ATG4B: variants seen among roughly 807,000 people sequenced by gnomAD.
ATG4B encodes the protein autophagy related 4B cysteine peptidase, also known as cysteine protease ATG4B.
ATG4B carries 29 observed loss-of-function variants against 56.6 expected under a neutral mutation model. That is an observed-to-expected ratio of 0.51 (90% CI 0.38 to 0.70). ATG4B has a LOEUF of 0.70. ATG4B is among the 30% of genes least tolerant of loss of function. ATG4B has a pLI of 0.00. For synonymous variants in ATG4B, 224 were observed against 206.1 expected, an observed-to-expected ratio of 1.09 and a Z score of -0.74; for missense variants, 461 against 515.5, an observed-to-expected ratio of 0.89 and a Z score of 1.02.
At chr2:241,652,355 G>A (rs537060144) in intron 3 of ATG4B, among the ~76,000 whole-genome samples, 13 of 152,310 alleles carry the variant, frequency 8.5e-5, no homozygotes, top group Non-Finnish European at 1.3e-4. Context: ...CTACCCTGCC[G>A]CGTGCTGGGA....
At chr2:241,646,928 A>G (rs537896388) in intron 1 of ATG4B, among the ~76,000 whole-genome samples, 1 of 152,034 alleles carries the variant, frequency 6.6e-6, no homozygotes, top group South Asian at 2.1e-4. Flanking sequence ...GATTACAGGC[A>G]CCTGCCACCA....
intron 1 of ATG4B, among the ~76,000 whole-genome samples, chr2:241,643,553 G>C (rs1308726225): frequency 6.7e-6 from 1 of 149,786 alleles, no homozygotes; most frequent in Non-Finnish European, 1.5e-5. Context: ...TGGAAGTCTA[G>C]AGATGGGTCT....
intron 10 of ATG4B, among the ~76,000 whole-genome samples, chr2:241,669,473 G>A (rs750266704): frequency 1.2e-4 from 18 of 152,122 alleles, no homozygotes; most frequent in Non-Finnish European, 2.2e-4. Context: ...CAGTAGTGGG[G>A]AACATGGGCT....
At position 241,671,981 on chromosome 2, in the gene ATG4B, C is replaced by T. The variant is rs765419079; in HGVS notation, c.1109-210C>T. ...GAGATTGTGCCGGCCGCCCCCTGCC[C>T]TCCTCACCCTGCCCTGCTCCTCTTC... On this transcript the variant is annotated intron_variant, in intron 12 of 12. Coordinates refer to ENST00000404914, the MANE Select transcript of ATG4B (RefSeq NM_013325.5). 9.5e-5 allele frequency: 135 copies of T among 1,415,384 alleles called. 1 individual carries two copies. Among genetic ancestry groups the T allele is most frequent in the Non-Finnish European group, 1.2e-4 (131 of 1,088,790 alleles). 87.7% of individuals were successfully genotyped at this position (1,415,384 alleles called of 1,614,324 possible).
chr2:241,637,869 C>G, intron 1 of ATG4B, 145 bp downstream of exon 1: 1 of 411,390 alleles, frequency 2.4e-6, no homozygotes, highest in Non-Finnish European at 3.5e-6. Flanking sequence ...GCTGCGGGAG[C>G]GCGGGGCGGT....
chr2:241,667,117 G>A (rs1231817707), intron 8 of ATG4B, among the ~76,000 whole-genome samples: 2 of 152,266 alleles, frequency 1.3e-5, no homozygotes, highest in East Asian at 1.9e-4. Context: ...GCCACTCCTC[G>A]GCCTGACGGG....
chr2:241,666,284 C>T (rs907979942), intron 7 of ATG4B, among the ~76,000 whole-genome samples: 1 of 152,220 alleles, frequency 6.6e-6, no homozygotes, highest in African/African-American at 2.4e-5. Context: ...GCTGAGGAGG[C>T]CCGGAGGGAG....
At position 241,654,656 on chromosome 2, in the gene ATG4B, C is replaced by T; in HGVS notation, c.385+9C>T. 2 of 1,585,748 alleles carry T rather than the reference C, an allele frequency of 1.3e-6. No individual in the cohort carries two copies. Among genetic ancestry groups the T allele is most frequent in the Non-Finnish European group, 1.7e-6 (2 of 1,165,584 alleles). On this transcript the variant is annotated intron_variant, in intron 5 of 12. Transcript: ENST00000404914. ...CTCCATTCACCAGATAGGTGGGAGGCTGCAGAATGTGCCAGGCCCCACCCG... is the reference window on the plus strand; with the variant it reads ...CTCCATTCACCAGATAGGTGGGAGGTTGCAGAATGTGCCAGGCCCCACCCG...
Position 241,668,475 on chromosome 2 carries a change from GCCT to G in ATG4B, c.812-60_812-58del, listed in dbSNP as rs2068848938. 8 of 1,562,648 alleles carry G rather than the reference GCCT, an allele frequency of 5.1e-6. No homozygotes were observed. Among genetic ancestry groups the G allele is most frequent in the Admixed American group, 3.7e-5 (2 of 54,352 alleles). On this transcript the variant is annotated intron_variant, in intron 9 of 12. Coordinates refer to ENST00000404914, the MANE Select transcript of ATG4B (RefSeq NM_013325.5). This position sits in a 1 kb window ranked among gnomAD's most constrained non-coding sequence, Gnocchi z 4.2. ...GTGGGTGCAGTGGGTCTGAAATGCG[GCCT>G]CCTCTGTCCCTTTCCTCTGCCGGCT...
chr2:241,661,429 G>A (rs1426747548), intron 7 of ATG4B, among the ~76,000 whole-genome samples: 1 of 152,156 alleles, frequency 6.6e-6, no homozygotes, highest in Non-Finnish European at 1.5e-5. Context: ...GGGAGTAGTG[G>A]GGGGAGGGCA....
intron 4 of ATG4B, among the ~76,000 whole-genome samples, chr2:241,653,964 C>T (rs2068303745): frequency 7.1e-6 from 1 of 140,772 alleles, no homozygotes; most frequent in South Asian, 2.2e-4. Flanking sequence ...GCGCTCCAGC[C>T]TCTGCAACAG....
intron 11 of ATG4B, 37 bp from the exon 12 acceptor site, chr2:241,671,275 G>A (rs2068959715): frequency 1.9e-6 from 3 of 1,572,702 alleles, no homozygotes; most frequent in Non-Finnish European, 2.6e-6. Flanking sequence ...CAAGCACTGG[G>A]GTGAGGCTGC....
At position 241,673,348 on chromosome 2, in the gene ATG4B, G is replaced by C; in HGVS notation, c.*1084G>C. 5.6e-6 allele frequency: 2 copies of C among 358,350 alleles called. No individual in the cohort carries two copies. The allele number at this position is 358,350 out of a possible 1,614,324, so 22.2% of individuals were successfully genotyped here. A position where few individuals can be genotyped will look rare whatever the true frequency, so the allele number is the denominator to read the frequency against. ...AGAGTGCACTCTGCCCCGCTGCTCT[G>C]CTGCCTGTCCTGGGAAAGTATCTTT... On this transcript the variant is annotated 3_prime_UTR_variant, in exon 13 of 13. Transcript: ENST00000404914.
In ATG4B at chr2:241,668,620, A is replaced by G. The variant is rs759108689; in HGVS notation, c.892A>G (p.Ser298Gly). 6.3e-7 allele frequency: 1 copy of G among 1,588,712 alleles called. No individual in the cohort carries two copies. Among genetic ancestry groups the G allele is most frequent in the South Asian group, 1.1e-5 (1 of 87,816 alleles). ...TGATGGCTGCTTCATCCCGGACGAG[A>G]GCTTCCACTGCCAGCACCCGCCGTG... ...PTDGCFIPDE[S>G]FHCQHPPCRM... Residue 298 changes from serine to glycine, a missense_variant, in exon 10 of 13, where the codon AGC becomes GGC. Coordinates refer to ENST00000404914, the MANE Select transcript of ATG4B (RefSeq NM_013325.5). The surrounding 1 kb of genome is among the most constrained non-coding windows in gnomAD (Gnocchi z 4.2).
intron 1 of ATG4B, among the ~76,000 whole-genome samples, chr2:241,646,983 C>T (rs1484542672): frequency 6.6e-6 from 1 of 152,004 alleles, no homozygotes; most frequent in Non-Finnish European, 1.5e-5. Flanking sequence ...GGGATTTCAC[C>T]ATGTTGACCA....
At chr2:241,655,048 C>G (rs1428622795) in intron 5 of ATG4B, 3 of 592,472 alleles carry the variant, frequency 5.1e-6, no homozygotes, top group Non-Finnish European at 9.1e-6. Context: ...AGGAAGTGGT[C>G]CCTTCATTTC....
rs112574294 is a variant in ATG4B at position 241,668,789 on chromosome 2, G to C, written c.957+104G>C. 0.012 allele frequency: 17,187 copies of C among 1,466,596 alleles called. 1,432 individuals carry two copies. The African/African-American group carries it at 0.2, about 17-fold the overall frequency. 90.8% of individuals were successfully genotyped at this position (1,466,596 alleles called of 1,614,324 possible). On this transcript the variant is annotated intron_variant, in intron 10 of 12. Transcript: ENST00000404914. The surrounding 1 kb of genome is among the most constrained non-coding windows in gnomAD (Gnocchi z 4.2). ...TTGCGTTTTTTTTTTCAGCATGTTG[G>C]GATAAGTACTGTGTTCACGTGGTTG...
rs1400756308 is a variant in ATG4B, at chr2:241,637,718, G to A, written c.4G>A (p.Asp2Asn). 1 of 1,582,320 alleles carries A rather than the reference G, an allele frequency of 6.3e-7. No individual in the cohort carries two copies. Among genetic ancestry groups the A allele is most frequent in the South Asian group, 1.1e-5 (1 of 88,334 alleles). Residue 2 changes from aspartate to asparagine, a missense_variant, in exon 1 of 13, where the codon GAC becomes AAC. By Grantham distance (23) the Asp-to-Asn change is conservative. Coordinates refer to ENST00000404914, the MANE Select transcript of ATG4B (RefSeq NM_013325.5). Reference sequence around the variant, plus strand: ...AGTCGGCGGCCGGACTGGGAAGATGGACGCAGGTGAGGAGTTGCCGGGGGT... The same window carrying A: ...AGTCGGCGGCCGGACTGGGAAGATGAACGCAGGTGAGGAGTTGCCGGGGGT... M[D>N]AATLTYDTLR...
chr2:241,654,449 GA>G, intron 4 of ATG4B, 96 bp from the exon 5 acceptor site: 1 of 559,916 alleles, frequency 1.8e-6, no homozygotes, highest in Non-Finnish European at 3.1e-6. Context: ...AAAAGATTCT[GA>G]AAAAGGTTTG....
Sources: gnomAD v4.1 joint callset for allele counts (sites outside exome capture counted in the v4.1 genomes callset) on GRCh38, gnomAD v4.1.1 for gene constraint, Gnocchi (gnomAD v3.1) non-coding constraint, MANE v1.5 for transcripts, NCBI Gene and HGNC (gene_info 2026-07-23, HGNC 2026-07-21) for gene names.